Variants in BMP7 observed in about 807,000 individuals in gnomAD.
BMP7 encodes the protein osteogenic protein 1.
BMP7 carries 12 observed loss-of-function variants against 41.2 expected under a neutral mutation model. That is an observed-to-expected ratio of 0.29 (90% CI 0.19 to 0.47). BMP7 has a LOEUF of 0.47. Ranked by LOEUF, BMP7 falls within the 20% of genes least tolerant of loss-of-function variation. The pLI, the probability that BMP7 is intolerant of heterozygous loss-of-function variation, is 0.99. For synonymous variants in BMP7, 248 were observed against 250.0 expected (o/e 0.99, Z 0.07); for missense variants, 467 against 606.0 (o/e 0.77, Z 2.41).
chr20:57,190,358 AGGGG>A lies in BMP7; in HGVS notation c.761-6443_761-6440del, dbSNP rs746015790. Among the ~76,000 whole-genome samples the A allele has an allele frequency of 2.7e-3, 366 of 134,990 alleles. 1 individual carries two copies. The highest frequency in any genetic ancestry group is 8.5e-3 in the Middle Eastern group (2 of 234). The allele number at this position is 134,990 out of a possible 152,430, so 88.6% of individuals were successfully genotyped here. On this transcript the variant is annotated intron_variant, in intron 3 of 6. Coordinates refer to ENST00000395863, the MANE Select transcript of BMP7 (RefSeq NM_001719.3). ...CTGGAGACAGTGAGCGAGGAACCAG[AGGGG>A]GTGAGGCTGGAGAGCGTGAGTGAGG...
chr20:57,225,115 C>T (rs1315468718), intron 2 of BMP7, among the ~76,000 whole-genome samples: 1 of 152,182 alleles, frequency 6.6e-6, no homozygotes, highest in African/African-American at 2.4e-5. Flanking sequence ...CTGGGCTCCC[C>T]CGGGCTGAGG....
At chr20:57,249,505 T>C (rs1568729559) in intron 1 of BMP7, among the ~76,000 whole-genome samples, 1 of 152,166 alleles carries the variant, frequency 6.6e-6, no homozygotes, top group Non-Finnish European at 1.5e-5. Flanking sequence ...CTGCTGTCTT[T>C]AGCCTACCCC....
chr20:57,228,297 G>A lies in BMP7; in HGVS notation c.543C>T (p.Ile181=), dbSNP rs1217553274. Residue 181 remains isoleucine, a synonymous_variant, in exon 2 of 7, where the codon ATC becomes ATT. Coordinates refer to ENST00000395863, the MANE Select transcript of BMP7 (RefSeq NM_001719.3). This position sits in a 1 kb window ranked among gnomAD's most constrained non-coding sequence, Gnocchi z 4.5. ...AAEFRIYKDY[I]RERFDNETFR... ...ACGTCTCATTGTCGAAGCGTTCCCG[G>A]ATGTAGTCCTTGTAGATCCGGAATT... is the stretch of plus-strand genomic sequence containing the variant. The A allele has an allele frequency of 1.9e-6, 3 of 1,614,036 alleles. No individual in the cohort carries two copies. The highest frequency in any genetic ancestry group is 2.5e-6 in the Non-Finnish European group (3 of 1,180,036).
chr20:57,197,622 A>G (rs936922552), intron 3 of BMP7, among the ~76,000 whole-genome samples: 2 of 152,192 alleles, frequency 1.3e-5, no homozygotes, highest in African/African-American at 4.8e-5. Context: ...TGTTGGTGAT[A>G]TCAATTGTGC....
rs1025991547 is a variant in BMP7 at position 57,207,817 on chromosome 20, T to G, written c.612-5194A>C. On this transcript the variant is annotated intron_variant, in intron 2 of 6. Coordinates refer to ENST00000395863, the MANE Select transcript of BMP7 (RefSeq NM_001719.3). ...CATCCCCATACCCCAGTTGGTTTTT[T>G]TTTTTTTTTTTTTTTTTTTTTTTGA... Among the ~76,000 whole-genome samples the G allele has an allele frequency of 1.3e-3, 44 of 33,504 alleles. 5 individuals are homozygous for G. The highest frequency in any genetic ancestry group is 1.9e-3 in the Admixed American group (5 of 2,680). The allele number at this position is 33,504 out of a possible 152,430, so 22.0% of individuals were successfully genotyped here.
chr20:57,192,238 GTATATAGCATATATACTATAGTA>G (rs1341107760), intron 3 of BMP7, among the ~76,000 whole-genome samples: 4 of 118,770 alleles, frequency 3.4e-5, no homozygotes, highest in African/African-American at 1.3e-4. Context: ...TTATATAATA[GTATATAGCATATATACTATAGTA>G]TATATAGTAT....
At chr20:57,212,598 A>G (rs991957558) in intron 2 of BMP7, among the ~76,000 whole-genome samples, 1 of 152,246 alleles carries the variant, frequency 6.6e-6, no homozygotes, top group African/African-American at 2.4e-5. Context: ...TCCTCAGAAG[A>G]AAAGGAGCAA....
At chr20:57,236,764 A>C (rs1439644482) in intron 1 of BMP7, among the ~76,000 whole-genome samples, 1 of 42,710 alleles carries the variant, frequency 2.3e-5, no homozygotes, top group Admixed American at 2.7e-4. Flanking sequence ...AGCCATGCAT[A>C]AAAAAAAAAA....
chr20:57,180,012 A>T (rs1984038423), intron 4 of BMP7, among the ~76,000 whole-genome samples: 1 of 151,910 alleles, frequency 6.6e-6, no homozygotes, highest in Non-Finnish European at 1.5e-5. Context: ...ACCCAGGTGC[A>T]CCCGATGGAG....
intron 1 of BMP7, among the ~76,000 whole-genome samples, chr20:57,257,882 T>A (rs1186097277): frequency 6.7e-6 from 1 of 150,046 alleles, no homozygotes; most frequent in Non-Finnish European, 1.5e-5. Context: ...GCCAGGGGGA[T>A]GAGCACTTGG....
intron 2 of BMP7, among the ~76,000 whole-genome samples, chr20:57,204,395 C>T (rs1349847929): frequency 1.3e-5 from 2 of 152,178 alleles, no homozygotes; most frequent in African/African-American, 2.4e-5. Flanking sequence ...GTTAGACATT[C>T]GTCAGGCACA....
chr20:57,233,834 AT>A (rs1568724520), intron 1 of BMP7, among the ~76,000 whole-genome samples: 1 of 152,236 alleles, frequency 6.6e-6, no homozygotes, highest in Admixed American at 6.5e-5. Context: ...GTGGGACAGT[AT>A]TTAACACCCT....
chr20:57,235,225 G>A (rs1045746466), intron 1 of BMP7, among the ~76,000 whole-genome samples: 3 of 152,192 alleles, frequency 2.0e-5, no homozygotes, highest in Non-Finnish European at 4.4e-5. Context: ...GAACCCTATC[G>A]TATGAATAGG....
chr20:57,231,379 T>A (rs1347567365), intron 1 of BMP7, among the ~76,000 whole-genome samples: 2 of 152,202 alleles, frequency 1.3e-5, no homozygotes, highest in Non-Finnish European at 2.9e-5. Flanking sequence ...ACAGGACACG[T>A]GTTTCATGCC....
chr20:57,220,167 G>A lies in BMP7; in HGVS notation c.611+8062C>T, dbSNP rs1175006819. The stretch of plus-strand genomic sequence containing the variant: ...TGAGGAAAAAGAAGAACATGGCACC[G>A]ACAGAGGTTGCAATAGGAAGACAAA... On this transcript the variant is annotated intron_variant, in intron 2 of 6. Coordinates refer to ENST00000395863, the MANE Select transcript of BMP7 (RefSeq NM_001719.3). Among the ~76,000 whole-genome samples, 9 of 152,194 alleles carry A rather than the reference G, an allele frequency of 5.9e-5. No individual in the cohort carries two copies. The South Asian group carries it at 1.2e-3, about 21-fold the overall frequency.
At chr20:57,193,837 C>A (rs961782319) in intron 3 of BMP7, among the ~76,000 whole-genome samples, 8 of 152,194 alleles carry the variant, frequency 5.3e-5, no homozygotes, top group Non-Finnish European at 1.0e-4. Flanking sequence ...CCTCTGTTCA[C>A]AAAGCATCAC....
In BMP7 at chr20:57,228,236, A is replaced by G; in HGVS notation, c.604T>C (p.Leu202=). The G allele has an allele frequency of 1.2e-6, 2 of 1,613,380 alleles. No homozygotes were observed. The highest frequency in any genetic ancestry group is 1.7e-6 in the Non-Finnish European group (2 of 1,179,944). Residue 202 remains leucine (L), a synonymous_variant, in exon 2 of 7, where the codon TTG becomes CTG. Transcript: ENST00000395863. The surrounding 1 kb of genome is among the most constrained non-coding windows in gnomAD (Gnocchi z 4.5). ...ISVYQVLQEH[L]GRESDLFLLD... ...TACCCGTATAGCACCCACCTGCCCA[A>G]GTGCTCCTGGAGCACCTGATAAACG...
At position 57,174,943 on chromosome 20, in the gene BMP7, G is replaced by A. The variant is rs1348164886; in HGVS notation, c.1023C>T (p.Asp341=). The change falls in exon 5 of 7, where the codon GAC becomes GAT. Residue 341 remains aspartate (D), a synonymous_variant. Coordinates refer to ENST00000395863, the MANE Select transcript of BMP7 (RefSeq NM_001719.3). The surrounding 1 kb of genome is among the most constrained non-coding windows in gnomAD (Gnocchi z 4.3). Reference sequence around the variant, plus strand: ...GCCAGCCCCTTACCTGCCAGCCCAGGTCTCGGAAGCTGACATACAGCTCGT... The same window carrying A: ...GCCAGCCCCTTACCTGCCAGCCCAGATCTCGGAAGCTGACATACAGCTCGT... ...KKHELYVSFR[D]LGWQDWIIAP... 6.2e-7 allele frequency: 1 copy of A among 1,611,874 alleles called. No homozygotes were observed. The highest frequency in any genetic ancestry group is 8.5e-7 in the Non-Finnish European group (1 of 1,179,858).
chr20:57,204,437 G>A (rs985480757), intron 2 of BMP7, among the ~76,000 whole-genome samples: 2 of 152,192 alleles, frequency 1.3e-5, no homozygotes, highest in East Asian at 1.9e-4. Context: ...GAAGACACAC[G>A]GGAAACAGAC....
Sources: gnomAD v4.1 joint callset for allele counts (sites outside exome capture counted in the v4.1 genomes callset) on GRCh38, gnomAD v4.1.1 for gene constraint, Gnocchi (gnomAD v3.1) non-coding constraint, MANE v1.5 for transcripts, NCBI Gene and HGNC (gene_info 2026-07-23, HGNC 2026-07-21) for gene names.